LMX1A: variants seen among roughly 807,000 people sequenced by gnomAD.
The protein encoded by LMX1A is LIM homeobox transcription factor 1 alpha.
LMX1A carries 15 observed loss-of-function variants against 49.1 expected under a neutral mutation model. The observed-to-expected ratio is 0.31, with a 90% CI of 0.20 to 0.47. The LOEUF (loss-of-function observed/expected upper bound fraction) is 0.47, where lower values mean the gene tolerates loss of function less well. Among genes scored for constraint, LMX1A ranks in the 20% least tolerant of loss-of-function variants. The pLI is 1.00. For synonymous variants in LMX1A, 167 were observed against 185.7 expected (o/e 0.90, Z 0.82); for missense variants, 372 against 475.8 (o/e 0.78, Z 2.03).
intron 4 of LMX1A, among the ~76,000 whole-genome samples, chr1:165,221,203 G>A (rs1246354220): frequency 6.6e-6 from 1 of 152,026 alleles, no homozygotes; most frequent in Admixed American, 6.5e-5. Context: ...TGTGGTGCTT[G>A]CAAAATATCA....
At chr1:165,255,422 G>A (rs553219193) in intron 3 of LMX1A, among the ~76,000 whole-genome samples, 2 of 152,256 alleles carry the variant, frequency 1.3e-5, no homozygotes, top group South Asian at 4.2e-4. Context: ...TTTCAGTTTT[G>A]GTGAGAGAGC....
intron 4 of LMX1A, among the ~76,000 whole-genome samples, chr1:165,217,982 C>T (rs1460503227): frequency 6.6e-6 from 1 of 150,876 alleles, no homozygotes; most frequent in African/African-American, 2.4e-5. Flanking sequence ...AACATTTTAG[C>T]CTTTGCATGC....
chr1:165,321,242 T>C (rs1243220614), intron 3 of LMX1A, among the ~76,000 whole-genome samples: 3 of 152,050 alleles, frequency 2.0e-5, no homozygotes, highest in Non-Finnish European at 4.4e-5. Context: ...GCTGGGGAGT[T>C]ATGGATAGGT....
At chr1:165,302,466 A>G (rs866636810) in intron 3 of LMX1A, among the ~76,000 whole-genome samples, 18 of 151,576 alleles carry the variant, frequency 1.2e-4, no homozygotes, top group African/African-American at 4.4e-4. Flanking sequence ...AAAATAAAGG[A>G]AAAAAAAGAA....
intron 3 of LMX1A, among the ~76,000 whole-genome samples, chr1:165,268,584 T>C (rs1197532071): frequency 6.6e-6 from 1 of 152,224 alleles, no homozygotes; most frequent in Admixed American, 6.5e-5. Context: ...AAATACCTTT[T>C]TCTAGTATTT....
At chr1:165,279,174 C>A (rs1654064428) in intron 3 of LMX1A, among the ~76,000 whole-genome samples, 1 of 152,208 alleles carries the variant, frequency 6.6e-6, no homozygotes, top group African/African-American at 2.4e-5. Context: ...TGCAAACTTA[C>A]AAAACCTGTC....
intron 8 of LMX1A, among the ~76,000 whole-genome samples, chr1:165,205,649 T>C (rs908213403): frequency 1.1e-4 from 17 of 152,174 alleles, no homozygotes; most frequent in Admixed American, 2.0e-4. Flanking sequence ...ACAAGAAGCT[T>C]TGAAAACAAG....
chr1:165,314,681 G>A (rs944117417), intron 3 of LMX1A, among the ~76,000 whole-genome samples: 4 of 151,658 alleles, frequency 2.6e-5, no homozygotes, highest in African/African-American at 7.3e-5. Context: ...GGGCTTGAAC[G>A]AAGAGAGAAC....
At chr1:165,268,420 G>A (rs1398344045) in intron 3 of LMX1A, among the ~76,000 whole-genome samples, 1 of 152,222 alleles carries the variant, frequency 6.6e-6, no homozygotes, top group Non-Finnish European at 1.5e-5. Context: ...TGAGCACACT[G>A]ACTGGATAAA....
intron 3 of LMX1A, among the ~76,000 whole-genome samples, chr1:165,288,718 G>A (rs899471709): frequency 2.0e-5 from 3 of 152,172 alleles, no homozygotes; most frequent in Non-Finnish European, 4.4e-5. Flanking sequence ...GCGTGTTTGC[G>A]CGCCTGTGCT....
intron 4 of LMX1A, among the ~76,000 whole-genome samples, chr1:165,244,404 G>C (rs1389800662): frequency 6.6e-6 from 1 of 152,162 alleles, no homozygotes; most frequent in Non-Finnish European, 1.5e-5. Context: ...ACTTGTGATT[G>C]ATTGGCCTCT....
chr1:165,203,538 C>A lies in LMX1A; in HGVS notation c.*342G>T, dbSNP rs1229909787. On this transcript the variant is annotated 3_prime_UTR_variant, in exon 9 of 9. Transcript: ENST00000342310. Reference sequence around the variant, plus strand: ...GTGTGTAGATGGATAGACATATGCACCTCTTGACAAGAGCTTCCCCGACAT... The same window carrying A: ...GTGTGTAGATGGATAGACATATGCAACTCTTGACAAGAGCTTCCCCGACAT... 1.1e-5 allele frequency: 2 copies of A among 188,742 alleles called. No homozygotes were observed. Among genetic ancestry groups the A allele is most frequent in the African/African-American group, 2.3e-5 (1 of 43,084 alleles). The allele number at this position is 188,742 out of a possible 1,614,324, so 11.7% of individuals were successfully genotyped here. A position where few individuals can be genotyped will look rare whatever the true frequency, so the allele number is the denominator to read the frequency against.
At chr1:165,354,579 A>G (rs1656542301) in intron 2 of LMX1A, among the ~76,000 whole-genome samples, 1 of 152,052 alleles carries the variant, frequency 6.6e-6, no homozygotes, top group Non-Finnish European at 1.5e-5. Context: ...ATTTCGTTTC[A>G]TCTAGGGTGT....
In LMX1A at chr1:165,355,845, C is replaced by G. The variant is rs974893354; in HGVS notation, c.-22-264G>C. The G allele has an allele frequency of 5.9e-5, 28 of 475,122 alleles. 1 individual carries two copies. The highest frequency in any genetic ancestry group is 5.5e-4 in the African/African-American group (28 of 51,214). 29.4% of individuals were successfully genotyped at this position (475,122 alleles called of 1,614,324 possible). On this transcript the variant is annotated intron_variant, in intron 1 of 8. Transcript: ENST00000342310. This position sits in a 1 kb window ranked among gnomAD's most constrained non-coding sequence, Gnocchi z 4.7. Reference sequence around the variant, plus strand: ...AACTGCGTTTCTCCTTCTCCTGCCCCCCTCACCCCCACCTACATCCCTTGC... The same window carrying G: ...AACTGCGTTTCTCCTTCTCCTGCCCGCCTCACCCCCACCTACATCCCTTGC...
intron 3 of LMX1A, among the ~76,000 whole-genome samples, chr1:165,295,023 A>T (rs977742834): frequency 2.6e-5 from 4 of 152,220 alleles, no homozygotes; most frequent in African/African-American, 9.6e-5. Flanking sequence ...GGATGCACTG[A>T]TGTTGCTCTG....
intron 3 of LMX1A, among the ~76,000 whole-genome samples, chr1:165,345,862 G>A (rs1252294903): frequency 1.3e-5 from 2 of 152,124 alleles, no homozygotes; most frequent in African/African-American, 4.8e-5. Context: ...AGACTCTGTC[G>A]CTACTAAATA....
At chr1:165,287,831 T>A (rs903762751) in intron 3 of LMX1A, among the ~76,000 whole-genome samples, 1 of 152,220 alleles carries the variant, frequency 6.6e-6, no homozygotes, top group Admixed American at 6.5e-5. Flanking sequence ...TATATTTCTC[T>A]AAAGGCTCTT....
At chr1:165,298,186 G>A (rs147185731) in intron 3 of LMX1A, among the ~76,000 whole-genome samples, 186 of 152,328 alleles carry the variant, frequency 1.2e-3, no homozygotes, top group Non-Finnish European at 2.2e-3. Flanking sequence ...GCCCGCCAGC[G>A]CCTCAGTGCA....
chr1:165,326,286 C>T (rs1477631695), intron 3 of LMX1A, among the ~76,000 whole-genome samples: 2 of 152,188 alleles, frequency 1.3e-5, no homozygotes, highest in African/African-American at 2.4e-5. Context: ...CATATGATGG[C>T]TTCTGAGGAT....
Sources: gnomAD v4.1 joint callset for allele counts (sites outside exome capture counted in the v4.1 genomes callset) on GRCh38, gnomAD v4.1.1 for gene constraint, Gnocchi (gnomAD v3.1) non-coding constraint, MANE v1.5 for transcripts, NCBI Gene and HGNC (gene_info 2026-07-23, HGNC 2026-07-21) for gene names.